The following PDCD1LG2 variants were observed in gnomAD, a reference collection of about 807,000 sequenced individuals.
PDCD1LG2 encodes programmed cell death 1 ligand 2.
A neutral mutation model predicts 28.2 loss-of-function variants in PDCD1LG2; 32 were observed. The observed-to-expected ratio is 1.13, with a 90% CI of 0.86 to 1.52. PDCD1LG2 has a LOEUF of 1.52. Ranked by LOEUF, PDCD1LG2 falls within the 40% of genes most tolerant of loss-of-function variation. PDCD1LG2 has a pLI of 0.00. For synonymous variants in PDCD1LG2, 116 were observed against 120.2 expected (o/e 0.97, Z 0.23); for missense variants, 385 against 323.8 (o/e 1.19, Z -1.45).
At chr9:5,566,662 T>A (rs1300198100) in intron 6 of PDCD1LG2, among the ~76,000 whole-genome samples, 1 of 152,212 alleles carries the variant, frequency 6.6e-6, no homozygotes, top group Non-Finnish European at 1.5e-5. Context: ...AATAAGCTTT[T>A]GTTTTTTATA....
chr9:5,557,833 C>A (rs1816477706), intron 5 of PDCD1LG2, 81 bp downstream of exon 5: 2 of 1,535,906 alleles, frequency 1.3e-6, no homozygotes, highest in Non-Finnish European at 1.8e-6. Flanking sequence ...AGGCCTATGG[C>A]TTGCTGCTTT....
intron 1 of PDCD1LG2, among the ~76,000 whole-genome samples, chr9:5,520,819 AG>A (rs1163025513): frequency 1.3e-5 from 2 of 152,198 alleles, no homozygotes; most frequent in Non-Finnish European, 2.9e-5. Flanking sequence ...TTCCTCAAAA[AG>A]TTAAATATAG....
chr9:5,543,039 A>G (rs1211124124), intron 3 of PDCD1LG2, among the ~76,000 whole-genome samples: 1 of 152,158 alleles, frequency 6.6e-6, no homozygotes, highest in South Asian at 2.1e-4. Context: ...CTTAGCTATG[A>G]AAAGGAATGA....
intron 1 of PDCD1LG2, among the ~76,000 whole-genome samples, chr9:5,512,255 C>T (rs1303326559): frequency 6.6e-6 from 1 of 152,136 alleles, no homozygotes. Flanking sequence ...CATGCCACAC[C>T]CTGCTCCACT....
intron 1 of PDCD1LG2, among the ~76,000 whole-genome samples, chr9:5,515,739 T>G (rs1484815706): frequency 6.6e-6 from 1 of 151,614 alleles, no homozygotes; most frequent in Non-Finnish European, 1.5e-5. Flanking sequence ...TTGGCCAAGA[T>G]GGTGAAACTC....
Position 5,557,737 on chromosome 9 carries a change from C to G in PDCD1LG2, c.751C>G (p.Leu251Val), listed in dbSNP as rs1816474708. ...IALRKQLCQK[L>V]YSSKDTTKRP... ...CCTAAGAAAACAACTCTGTCAAAAGCTGTATTCTTCAAAAGGTAAGTGAGT... is the reference window on the plus strand; with the variant it reads ...CCTAAGAAAACAACTCTGTCAAAAGGTGTATTCTTCAAAAGGTAAGTGAGT... The change falls in exon 5 of 7, where the codon CTG becomes GTG. Residue 251 changes from leucine (L) to valine (V), a missense_variant. Coordinates refer to ENST00000397747, the MANE Select transcript of PDCD1LG2 (RefSeq NM_025239.4). 6.2e-7 allele frequency: 1 copy of G among 1,613,924 alleles called. No individual in the cohort carries two copies. Among genetic ancestry groups the G allele is most frequent in the Admixed American group, 1.7e-5 (1 of 60,012 alleles).
chr9:5,541,481 A>G (rs767551323), intron 3 of PDCD1LG2, among the ~76,000 whole-genome samples: 26 of 152,218 alleles, frequency 1.7e-4, no homozygotes, highest in Non-Finnish European at 3.1e-4. Flanking sequence ...GAAAGCTCCT[A>G]GAACTGGTAA....
intron 3 of PDCD1LG2, among the ~76,000 whole-genome samples, chr9:5,544,238 A>G (rs932863913): frequency 2.0e-5 from 3 of 152,216 alleles, no homozygotes; most frequent in Admixed American, 6.5e-5. Flanking sequence ...CCAAACAGAG[A>G]ACAGGGAAGC....
chr9:5,551,150 T>C (rs981117339), intron 4 of PDCD1LG2, among the ~76,000 whole-genome samples: 2 of 152,214 alleles, frequency 1.3e-5, no homozygotes, highest in African/African-American at 4.8e-5. Flanking sequence ...CATATTCACA[T>C]GTTCCAGGGA....
At chr9:5,520,122 GC>G (rs1004409456) in intron 1 of PDCD1LG2, among the ~76,000 whole-genome samples, 36 of 152,102 alleles carry the variant, frequency 2.4e-4, no homozygotes, top group African/African-American at 4.3e-4. Flanking sequence ...AGCCCGAATA[GC>G]CCCCTAAAAA....
At chr9:5,563,338 T>C (rs1431468110) in intron 6 of PDCD1LG2, 127 bp downstream of exon 6, 5 of 820,518 alleles carry the variant, frequency 6.1e-6, no homozygotes, top group African/African-American at 1.7e-5. Flanking sequence ...AGAATCTTCC[T>C]GTTTGGTAGC....
In PDCD1LG2 at chr9:5,547,535, T is replaced by G. The variant is rs890642203; in HGVS notation, c.362-1800T>G. The stretch of plus-strand genomic sequence containing the variant: ...CCTATTTTACTTATTTTTAAAGTTT[T>G]TATAAGGTTGTAATGTTTTATTTTA... On this transcript the variant is annotated intron_variant, in intron 3 of 6. Transcript: ENST00000397747. Among the ~76,000 whole-genome samples the G allele has an allele frequency of 7.9e-5, 12 of 152,298 alleles. 1 individual carries two copies. Among genetic ancestry groups the G allele is most frequent in the Admixed American group, 7.9e-4 (12 of 15,262 alleles).
At position 5,569,312 on chromosome 9, in the gene PDCD1LG2, ACTATTC is replaced by A. The variant is rs1816725975; in HGVS notation, c.817-638_817-633del. Among the ~76,000 whole-genome samples the A allele has an allele frequency of 6.6e-6, 1 of 152,166 alleles. No individual in the cohort carries two copies. Among genetic ancestry groups the A allele is most frequent in the Non-Finnish European group, 1.5e-5 (1 of 68,014 alleles). Reference sequence around the variant, plus strand: ...GATGCAAGAGCAGGCAGGGAAGGTGACTATTCCTAGGTCTGAAGGAGAAAGGGGAGG... The same window carrying A: ...GATGCAAGAGCAGGCAGGGAAGGTGACTAGGTCTGAAGGAGAAAGGGGAGG... On this transcript the variant is annotated intron_variant, in intron 6 of 6. Transcript: ENST00000397747. The surrounding 1 kb of genome is among the most constrained non-coding windows in gnomAD (Gnocchi z 4.1).
chr9:5,540,154 T>C (rs542565541), intron 3 of PDCD1LG2, among the ~76,000 whole-genome samples: 58 of 152,290 alleles, frequency 3.8e-4, no homozygotes, highest in African/African-American at 1.3e-3. Flanking sequence ...AACAATGAAA[T>C]CAAGATAGAA....
intron 4 of PDCD1LG2, among the ~76,000 whole-genome samples, chr9:5,556,831 CT>C (rs1254044285): frequency 1.3e-5 from 2 of 152,160 alleles, no homozygotes; most frequent in African/African-American, 4.8e-5. Context: ...CTAGCCCTGC[CT>C]TTTGTCAGTC....
chr9:5,523,953 T>C (rs1820324077), intron 2 of PDCD1LG2, among the ~76,000 whole-genome samples: 1 of 152,212 alleles, frequency 6.6e-6, no homozygotes, highest in Admixed American at 6.5e-5. Context: ...CATTGGCTCT[T>C]TCTACAGAGG....
chr9:5,547,496 C>T (rs933591811), intron 3 of PDCD1LG2, among the ~76,000 whole-genome samples: 1 of 152,108 alleles, frequency 6.6e-6, no homozygotes, highest in African/African-American at 2.4e-5. Flanking sequence ...CTTCTAGTCT[C>T]TTGGAATATC....
At chr9:5,520,420 A>C (rs1820251203) in intron 1 of PDCD1LG2, among the ~76,000 whole-genome samples, 1 of 152,194 alleles carries the variant, frequency 6.6e-6, no homozygotes, top group African/African-American at 2.4e-5. Context: ...TAAAGTTCTT[A>C]TATTTAGGTT....
chr9:5,540,751 C>G (rs1433215667), intron 3 of PDCD1LG2, among the ~76,000 whole-genome samples: 2 of 152,044 alleles, frequency 1.3e-5, no homozygotes, highest in East Asian at 3.9e-4. Flanking sequence ...AATCCAGGAC[C>G]AGACAGATTC....
Sources: allele counts gnomAD v4.1 joint callset (sites outside exome capture counted in the v4.1 genomes callset), GRCh38; gene constraint gnomAD v4.1.1; non-coding constraint Gnocchi (gnomAD v3.1); transcripts MANE v1.5; gene names NCBI Gene and HGNC (gene_info 2026-07-23, HGNC 2026-07-21).